The following PID1 variants were observed in gnomAD, a reference collection of about 807,000 sequenced individuals.
PID1 encodes phosphotyrosine interaction domain containing 1, also known as PTB-containing, cubilin and LRP1-interacting protein.
Under a neutral mutation model 19.1 loss-of-function variants are expected in PID1, and 10 were observed. That is an observed-to-expected ratio of 0.52 (90% CI 0.32 to 0.89). PID1 has a LOEUF of 0.89. PID1 is among the 40% of genes least tolerant of loss of function. PID1 has a pLI of 0.03. For missense variants in PID1, 248 were observed against 285.3 expected (o/e 0.87, Z 0.94); for synonymous variants, 130 against 116.0 (o/e 1.12, Z -0.78).
intron 2 of PID1, among the ~76,000 whole-genome samples, chr2:229,105,691 A>G (rs1053501864): frequency 6.6e-6 from 1 of 152,218 alleles, no homozygotes; most frequent in African/African-American, 2.4e-5. Flanking sequence ...ATCAGTCCTC[A>G]TGAAAGACTA....
At chr2:229,114,003 A>T (rs1339994895) in intron 2 of PID1, among the ~76,000 whole-genome samples, 1 of 152,172 alleles carries the variant, frequency 6.6e-6, no homozygotes, top group African/African-American at 2.4e-5. Context: ...TAATAGAAAA[A>T]GGCTGACGTC....
chr2:229,172,008 G>A (rs1479728532), intron 1 of PID1, among the ~76,000 whole-genome samples: 1 of 152,102 alleles, frequency 6.6e-6, no homozygotes, highest in African/African-American at 2.4e-5. Context: ...AACTTTCCTT[G>A]GACAGAAAGG....
At chr2:229,096,085 G>A (rs989902167) in intron 2 of PID1, among the ~76,000 whole-genome samples, 4 of 152,158 alleles carry the variant, frequency 2.6e-5, no homozygotes, top group Non-Finnish European at 4.4e-5. Flanking sequence ...GGCAAAGTCT[G>A]TAATTTTGTC....
At chr2:229,108,424 C>T (rs1291121350) in intron 2 of PID1, among the ~76,000 whole-genome samples, 1 of 152,114 alleles carries the variant, frequency 6.6e-6, no homozygotes, top group Non-Finnish European at 1.5e-5. Context: ...CAGCACTGCA[C>T]AAAGCAGAGG....
intron 2 of PID1, among the ~76,000 whole-genome samples, chr2:229,089,393 G>A (rs1179165075): frequency 6.6e-6 from 1 of 152,176 alleles, no homozygotes; most frequent in Non-Finnish European, 1.5e-5. Flanking sequence ...AATCTCTACT[G>A]AGATTTTAGT....
intron 2 of PID1, among the ~76,000 whole-genome samples, chr2:229,139,096 A>AG (rs1559251702): frequency 1.3e-5 from 1 of 75,996 alleles, no homozygotes; most frequent in African/African-American, 6.5e-5. Flanking sequence ...AGAAAGAAAG[A>AG]AAGAAAGAAA....
At chr2:229,161,634 A>G (rs1055428794) in intron 1 of PID1, among the ~76,000 whole-genome samples, 1 of 152,240 alleles carries the variant, frequency 6.6e-6, no homozygotes, top group Non-Finnish European at 1.5e-5. Context: ...ACTAAACCTT[A>G]ATGATAAAGT....
chr2:229,134,153 A>C (rs1689806110), intron 2 of PID1, among the ~76,000 whole-genome samples: 1 of 151,788 alleles, frequency 6.6e-6, no homozygotes, highest in Admixed American at 6.6e-5. Context: ...CTTTATACTA[A>C]AGGCCGATCT....
intron 2 of PID1, among the ~76,000 whole-genome samples, chr2:229,143,862 T>C (rs1179488158): frequency 6.6e-6 from 1 of 152,088 alleles, no homozygotes; most frequent in African/African-American, 2.4e-5. Flanking sequence ...TCCGGAGGCC[T>C]CCCCAGCTGT....
At chr2:229,083,434 A>C (rs1694706126) in intron 2 of PID1, among the ~76,000 whole-genome samples, 1 of 152,206 alleles carries the variant, frequency 6.6e-6, no homozygotes, top group South Asian at 2.1e-4. Context: ...TAGGATGCTA[A>C]ATTAGACAGG....
intron 1 of PID1, among the ~76,000 whole-genome samples, chr2:229,169,118 A>G (rs1443113612): frequency 6.6e-6 from 1 of 152,090 alleles, no homozygotes; most frequent in African/African-American, 2.4e-5. Flanking sequence ...CTCCTTGGGC[A>G]TCCAGCTCCC....
At chr2:229,099,670 C>A (rs138738160) in intron 2 of PID1, among the ~76,000 whole-genome samples, 143 of 152,156 alleles carry the variant, frequency 9.4e-4, no homozygotes, top group African/African-American at 3.3e-3. Flanking sequence ...GTGACCAGTG[C>A]TTGAAAATTA....
intron 1 of PID1, among the ~76,000 whole-genome samples, chr2:229,185,082 C>CCTAT (rs1559275365): frequency 5.4e-4 from 77 of 142,534 alleles, no homozygotes; most frequent in African/African-American, 1.9e-3. Context: ...ATATATCCTA[C>CCTAT]ATATATATCC....
At chr2:229,072,862 A>C (rs999888920) in intron 2 of PID1, among the ~76,000 whole-genome samples, 2 of 152,196 alleles carry the variant, frequency 1.3e-5, no homozygotes, top group African/African-American at 4.8e-5. Flanking sequence ...GAAAATAAGA[A>C]CTTCTAGAAG....
intron 2 of PID1, among the ~76,000 whole-genome samples, chr2:229,119,106 G>A (rs1695467268): frequency 6.6e-6 from 1 of 152,098 alleles, no homozygotes; most frequent in African/African-American, 2.4e-5. Flanking sequence ...CATTGGCCAG[G>A]GAGCTTGAGG....
chr2:229,182,629 G>A (rs772349528), intron 1 of PID1, among the ~76,000 whole-genome samples: 7 of 152,038 alleles, frequency 4.6e-5, no homozygotes, highest in South Asian at 2.1e-4. Flanking sequence ...CCTGTGACTC[G>A]CCCTCTCACG....
At chr2:229,077,952 T>C (rs1474737119) in intron 2 of PID1, among the ~76,000 whole-genome samples, 1 of 152,246 alleles carries the variant, frequency 6.6e-6, no homozygotes, top group African/African-American at 2.4e-5. Flanking sequence ...GGGAATAGCA[T>C]TGAATCTATA....
At chr2:229,066,757 C>T (rs1694335316) in intron 2 of PID1, among the ~76,000 whole-genome samples, 2 of 151,846 alleles carry the variant, frequency 1.3e-5, no homozygotes, top group Admixed American at 1.3e-4. Context: ...TATAATCCCC[C>T]TCCATTAAGA....
At chr2:229,191,464 C>T (rs1691259023) in intron 1 of PID1, among the ~76,000 whole-genome samples, 1 of 152,130 alleles carries the variant, frequency 6.6e-6, no homozygotes, top group Non-Finnish European at 1.5e-5. Flanking sequence ...ATTCCATATA[C>T]AAAATGCTTC....
Sources: allele counts gnomAD v4.1 joint callset (sites outside exome capture counted in the v4.1 genomes callset), GRCh38; gene constraint gnomAD v4.1.1; transcripts MANE v1.5; gene names NCBI Gene and HGNC (gene_info 2026-07-23, HGNC 2026-07-21).